Variants in DIAPH1 observed in about 807,000 individuals in gnomAD.
DIAPH1 encodes diaphanous related formin 1.
Under a neutral mutation model 140.7 loss-of-function variants are expected in DIAPH1, and 46 were observed. The ratio of observed to expected loss-of-function variants is 0.33; its 90% confidence interval spans 0.26 to 0.42. DIAPH1 has a LOEUF of 0.42. Ranked by LOEUF, DIAPH1 falls within the 10% of genes least tolerant of loss-of-function variation. DIAPH1 has a pLI of 1.00. For missense variants in DIAPH1, 1,310 were observed against 1,558.7 expected, an observed-to-expected ratio of 0.84 and a Z score of 2.69; for synonymous variants, 565 against 551.6, an observed-to-expected ratio of 1.02 and a Z score of -0.34.
At chr5:141,600,315 G>T (rs1358344886) in intron 1 of DIAPH1, among the ~76,000 whole-genome samples, 1 of 152,204 alleles carries the variant, frequency 6.6e-6, no homozygotes. Context: ...GAGCCTCCAG[G>T]TGAGAACTTA....
chr5:141,560,869 T>G (rs1315124270), intron 18 of DIAPH1: 1 of 454,770 alleles, frequency 2.2e-6, no homozygotes. Flanking sequence ...CTGCTGGTTT[T>G]CGTCATACTG....
rs2099886333 is a variant in DIAPH1, at chr5:141,520,407, G to A, written c.3662-3399C>T. 4.6e-5 allele frequency among the ~76,000 whole-genome samples: 7 copies of A among 152,276 alleles called. No homozygotes were observed. In the South Asian group the frequency reaches 1.4e-3, roughly 32 times the overall value. On this transcript the variant is annotated intron_variant, in intron 27 of 27. Transcript: ENST00000389054. Reference sequence around the variant, plus strand: ...TAGTGGGAGGCACTTGGGTCATGGGGTGGATCCCTTATGAGTGGCTTGGTG... The same window carrying A: ...TAGTGGGAGGCACTTGGGTCATGGGATGGATCCCTTATGAGTGGCTTGGTG...
Position 141,529,287 on chromosome 5 carries a change from G to A in DIAPH1, c.2677-14C>T. 6.2e-7 allele frequency: 1 copy of A among 1,606,798 alleles called. No individual in the cohort carries two copies. Among genetic ancestry groups the A allele is most frequent in the Non-Finnish European group, 8.5e-7 (1 of 1,173,280 alleles). ...CTTAATGAGGTTCTGAAAGACAGAAGAGACATCTCAGCTGGAGGGGAATTC... is the reference window on the plus strand; with the variant it reads ...CTTAATGAGGTTCTGAAAGACAGAAAAGACATCTCAGCTGGAGGGGAATTC... On this transcript the variant is annotated splice_polypyrimidine_tract_variant and intron_variant, in intron 20 of 27. Transcript: ENST00000389054.
intron 3 of DIAPH1, among the ~76,000 whole-genome samples, chr5:141,584,527 C>T (rs192434969): frequency 3.9e-5 from 6 of 152,218 alleles, no homozygotes; most frequent in African/African-American, 1.4e-4. Context: ...ACACACAATG[C>T]TTTCTGCATC....
chr5:141,547,554 G>A (rs763704830), intron 18 of DIAPH1, among the ~76,000 whole-genome samples: 3 of 151,944 alleles, frequency 2.0e-5, no homozygotes, highest in African/African-American at 2.4e-5. Context: ...TCAACAGATG[G>A]GTTTAACAGT....
intron 17 of DIAPH1, 49 bp from the exon 18 acceptor site, chr5:141,571,485 A>G: frequency 6.5e-7 from 1 of 1,550,386 alleles, no homozygotes; most frequent in Non-Finnish European, 8.9e-7. Flanking sequence ...TATTGGAAAG[A>G]AATGGAAGGA....
At chr5:141,554,850 GAATA>G (rs1195395854) in intron 18 of DIAPH1, among the ~76,000 whole-genome samples, 1 of 152,060 alleles carries the variant, frequency 6.6e-6, no homozygotes, top group Non-Finnish European at 1.5e-5. Context: ...TATCCATTCA[GAATA>G]AATAGTCTTA....
chr5:141,613,479 A>T (rs1034380968), intron 1 of DIAPH1, among the ~76,000 whole-genome samples: 1 of 152,178 alleles, frequency 6.6e-6, no homozygotes, highest in Non-Finnish European at 1.5e-5. Flanking sequence ...TTGTTCATCC[A>T]ATTTCCACCT....
At chr5:141,524,741 G>GC (rs1382300400) in intron 26 of DIAPH1, 1 of 206,462 alleles carries the variant, frequency 4.8e-6, no homozygotes, top group African/African-American at 2.3e-5. Context: ...AAGAGGAGCA[G>GC]CCTGGCTGGA....
chr5:141,541,724 AAAAG>A (rs1174136233), intron 18 of DIAPH1, among the ~76,000 whole-genome samples: 1 of 151,776 alleles, frequency 6.6e-6, no homozygotes, highest in African/African-American at 2.4e-5. Flanking sequence ...GAAAGAAAGA[AAAAG>A]AAATGAACAA....
At chr5:141,539,677 G>A (rs558371520) in intron 18 of DIAPH1, among the ~76,000 whole-genome samples, 8 of 152,052 alleles carry the variant, frequency 5.3e-5, no homozygotes, top group African/African-American at 1.9e-4. Context: ...GTATATTTCT[G>A]GGAACTTGCC....
At chr5:141,528,608 A>C (rs772380259) in intron 22 of DIAPH1, 26 bp from the exon 23 acceptor site, 1 of 1,614,206 alleles carries the variant, frequency 6.2e-7, no homozygotes, top group Admixed American at 1.7e-5. Context: ...GAAACTGTTA[A>C]ATCCTGACAT....
rs761645677 is a variant in DIAPH1 at position 141,526,083 on chromosome 5, G to A, written c.3529C>T (p.Leu1177=). 17 of 1,613,900 alleles carry A rather than the reference G, an allele frequency of 1.1e-5. No individual in the cohort carries two copies. In the East Asian group the frequency reaches 3.6e-4, roughly 34 times the overall value. Residue 1177 remains leucine, a synonymous_variant, in exon 26 of 28, where the codon CTA becomes TTA. Coordinates refer to ENST00000389054, the MANE Select transcript of DIAPH1 (RefSeq NM_005219.5). ...LAKEKAEKER[L]EKQQKREQLI... ...TGCTCTCTCTTCTGCTGCTTCTCTA[G>A]CCGCTCCTTCTCTGCCTTCTCCTTG...
intron 27 of DIAPH1, 141 bp from the exon 28 acceptor site, chr5:141,517,149 G>A (rs569748342): frequency 2.2e-6 from 2 of 898,780 alleles, no homozygotes; most frequent in Admixed American, 4.1e-5. Flanking sequence ...TGAAGAAAGG[G>A]GCAGAGATCC....
At chr5:141,566,187 C>A (rs996201310) in intron 18 of DIAPH1, among the ~76,000 whole-genome samples, 3 of 152,014 alleles carry the variant, frequency 2.0e-5, no homozygotes, top group African/African-American at 7.2e-5. Context: ...AAAGATAGAA[C>A]CTGGGTGGTA....
intron 18 of DIAPH1, among the ~76,000 whole-genome samples, chr5:141,562,220 CAA>C (rs578001246): frequency 2.2e-5 from 3 of 135,706 alleles, no homozygotes; most frequent in African/African-American, 8.0e-5. Context: ...GCTACTGTTT[CAA>C]AAAAAAAAAA....
At chr5:141,578,006 G>A in intron 11 of DIAPH1, 2 of 614,118 alleles carry the variant, frequency 3.3e-6, no homozygotes, top group South Asian at 1.9e-5. Flanking sequence ...TGGCTTCCAT[G>A]CTCAACAACC....
intron 1 of DIAPH1, among the ~76,000 whole-genome samples, chr5:141,601,494 TG>T (rs898577200): frequency 6.6e-5 from 10 of 152,252 alleles, no homozygotes; most frequent in African/African-American, 2.4e-4. Context: ...TTCGCCATAT[TG>T]GTCAGGCTGA....
chr5:141,552,086 T>A (rs544187493), intron 18 of DIAPH1, among the ~76,000 whole-genome samples: 9 of 152,338 alleles, frequency 5.9e-5, no homozygotes, highest in Admixed American at 3.3e-4. Context: ...AACAAGCTTA[T>A]GCAGCAGAAG....
Sources: gnomAD v4.1 joint callset for allele counts (sites outside exome capture counted in the v4.1 genomes callset) on GRCh38, gnomAD v4.1.1 for gene constraint, MANE v1.5 for transcripts, NCBI Gene and HGNC (gene_info 2026-07-23, HGNC 2026-07-21) for gene names.